Variants in ZSCAN20 observed in about 807,000 individuals in gnomAD.
ZSCAN20 encodes zinc finger and SCAN domain-containing protein 20.
Under a neutral mutation model 97.1 loss-of-function variants are expected in ZSCAN20, and 39 were observed. The observed-to-expected ratio is 0.40, with a 90% CI of 0.31 to 0.52. ZSCAN20 has a LOEUF of 0.52. ZSCAN20 is among the 20% of genes least tolerant of loss of function. The pLI, the probability that ZSCAN20 is intolerant of heterozygous loss-of-function variation, is 0.49. For synonymous variants in ZSCAN20, 456 were observed against 467.3 expected (o/e 0.98, Z 0.31); for missense variants, 1,115 against 1,290.4 (o/e 0.86, Z 2.08).
At chr1:33,482,673 A>G (rs1652199182) in intron 2 of ZSCAN20, among the ~76,000 whole-genome samples, 1 of 152,150 alleles carries the variant, frequency 6.6e-6, no homozygotes, top group African/African-American at 2.4e-5. Flanking sequence ...TGGCTGTACC[A>G]TTTTGCATTT....
chr1:33,490,269 C>T (rs990736231), intron 5 of ZSCAN20, among the ~76,000 whole-genome samples: 1 of 152,160 alleles, frequency 6.6e-6, no homozygotes, highest in African/African-American at 2.4e-5. Context: ...TTCAAAGGAA[C>T]AGATTTTGGG....
Position 33,498,531 on chromosome 1 carries a change from C to T in ZSCAN20, c.*3055C>T, listed in dbSNP as rs1201445566. On this transcript the variant is annotated 3_prime_UTR_variant, in exon 8 of 8. Transcript: ENST00000684572. Reference sequence around the variant, plus strand: ...AGCTTGCTGGGCACCCAGGCGCCCTCCAGTAGGTCTGTGCTGCTCAGATAA... The same window carrying T: ...AGCTTGCTGGGCACCCAGGCGCCCTTCAGTAGGTCTGTGCTGCTCAGATAA... Among the ~76,000 whole-genome samples the T allele has an allele frequency of 6.6e-6, 1 of 152,178 alleles. No individual in the cohort carries two copies. The highest frequency in any genetic ancestry group is 2.4e-5 in the African/African-American group (1 of 41,438).
intron 2 of ZSCAN20, among the ~76,000 whole-genome samples, chr1:33,485,698 C>G (rs567867056): frequency 1.3e-5 from 2 of 152,096 alleles, no homozygotes; most frequent in African/African-American, 4.8e-5. Context: ...CATGTGTGAG[C>G]CATCGTGCCT....
rs1207493497 is a variant in ZSCAN20 at position 33,493,973 on chromosome 1, A to G, written c.1874-245A>G. Among the ~76,000 whole-genome samples the G allele has an allele frequency of 6.6e-6, 1 of 152,228 alleles. No homozygotes were observed. The highest frequency in any genetic ancestry group is 1.5e-5 in the Non-Finnish European group (1 of 68,030). On this transcript the variant is annotated intron_variant, in intron 7 of 7. Coordinates refer to ENST00000684572, the MANE Select transcript of ZSCAN20 (RefSeq NM_001377376.1). The surrounding 1 kb of genome is among the most constrained non-coding windows in gnomAD (Gnocchi z 4.3). ...GGCTGTGGCTGCTGGGCTGAGCCCC[A>G]TGGCTCACTTGGTGGGGTCACCATG...
At position 33,494,207 on chromosome 1, in the gene ZSCAN20, C is replaced by A. The variant is rs760433700; in HGVS notation, c.1874-11C>A. On this transcript the variant is annotated splice_polypyrimidine_tract_variant and intron_variant, in intron 7 of 7. Coordinates refer to ENST00000684572, the MANE Select transcript of ZSCAN20 (RefSeq NM_001377376.1). ...AGTGAAGAAAAACTGCATTTCTGTC[C>A]ATTTTTTCAGGTTTTGAAATGAGGC... 3.2e-6 allele frequency: 5 copies of A among 1,544,642 alleles called. No homozygotes were observed. Among genetic ancestry groups the A allele is most frequent in the Non-Finnish European group, 4.4e-6 (5 of 1,147,360 alleles).
chr1:33,477,733 A>T (rs1651989097), intron 1 of ZSCAN20, among the ~76,000 whole-genome samples: 2 of 150,436 alleles, frequency 1.3e-5, no homozygotes. Context: ...ATCATTCGTG[A>T]CTTTATTATT....
At chr1:33,480,311 C>A (rs968515294) in intron 2 of ZSCAN20, among the ~76,000 whole-genome samples, 2 of 152,136 alleles carry the variant, frequency 1.3e-5, no homozygotes, top group Non-Finnish European at 2.9e-5. Context: ...GAGTTCAAGA[C>A]CAGCCTGGGC....
chr1:33,487,332 T>C (rs1195190861), intron 2 of ZSCAN20, among the ~76,000 whole-genome samples: 2 of 152,220 alleles, frequency 1.3e-5, no homozygotes, highest in African/African-American at 2.4e-5. Flanking sequence ...GAGATTGTTA[T>C]ATTTTGGAGG....
intron 1 of ZSCAN20, among the ~76,000 whole-genome samples, chr1:33,473,098 G>C (rs1651789574): frequency 6.6e-6 from 1 of 152,070 alleles, no homozygotes; most frequent in Non-Finnish European, 1.5e-5. Flanking sequence ...TTCCCATCTA[G>C]AACAAGCATA....
rs1017859830 is a variant in ZSCAN20 at position 33,499,872 on chromosome 1, C to T, written c.*4396C>T. On this transcript the variant is annotated 3_prime_UTR_variant, in exon 8 of 8. Coordinates refer to ENST00000684572, the MANE Select transcript of ZSCAN20 (RefSeq NM_001377376.1). ...TCAGCCTCCCAAAGCTCCCCTTAAC[C>T]TCAGTTTTGATCCCATCCTCCATTT... 2.0e-5 allele frequency among the ~76,000 whole-genome samples: 3 copies of T among 152,142 alleles called. No homozygotes were observed. The highest frequency in any genetic ancestry group is 4.4e-5 in the Non-Finnish European group (3 of 68,030).
intron 2 of ZSCAN20, among the ~76,000 whole-genome samples, chr1:33,488,004 C>A (rs955384402): frequency 2.0e-5 from 3 of 152,078 alleles, no homozygotes; most frequent in Non-Finnish European, 4.4e-5. Context: ...AAATATCTTT[C>A]TCTTTCAGCA....
At chr1:33,487,284 A>C (rs1652407100) in intron 2 of ZSCAN20, among the ~76,000 whole-genome samples, 1 of 152,142 alleles carries the variant, frequency 6.6e-6, no homozygotes, top group African/African-American at 2.4e-5. Flanking sequence ...AAAAAATTGA[A>C]ATATGTTTTT....
Position 33,494,795 on chromosome 1 carries a change from G to A in ZSCAN20, c.2451G>A (p.Leu817=), listed in dbSNP as rs771952949. 5 of 1,614,000 alleles carry A rather than the reference G, an allele frequency of 3.1e-6. No homozygotes were observed. Among genetic ancestry groups the A allele is most frequent in the Non-Finnish European group, 4.2e-6 (5 of 1,180,014 alleles). ...TTCTGAAACATCAGAGAATCCACTT[G>A]GGAGGAAATCCTGACCAGTGTAGTG... The part of the protein sequence containing the change: ...SNLLKHQRIH[L]GGNPDQCSEP... The change falls in exon 8 of 8, where the codon TTG becomes TTA. Residue 817 remains leucine (L), a synonymous_variant. Transcript: ENST00000684572.
Position 33,493,510 on chromosome 1 carries a change from T to G in ZSCAN20, c.1768T>G (p.Cys590Gly), listed in dbSNP as rs1226824583. Residue 590 changes from cysteine to glycine, a missense_variant, in exon 7 of 8, where the codon TGT becomes GGT. By Grantham distance (159) the Cys-to-Gly change is radical. This residue lies in a region of ZSCAN20 where 554 missense variants were observed against 584.9 expected (regional missense o/e 0.95). Transcript: ENST00000684572. The surrounding 1 kb of genome is among the most constrained non-coding windows in gnomAD (Gnocchi z 4.3). ...TVREAAGLPRCGQSSAETDAQ... is the reference protein window; with the variant it reads ...TVREAAGLPRGGQSSAETDAQ... ...CCGAGAGGCTGCAGGTCTCCCTAGG[T>G]GTGGGCAGAGTAGTGCTGAGACTGA... 1 of 1,614,026 alleles carries G rather than the reference T, an allele frequency of 6.2e-7. No individual in the cohort carries two copies. The highest frequency in any genetic ancestry group is 8.5e-7 in the Non-Finnish European group (1 of 1,179,976).
chr1:33,489,865 G>A (rs1008537449), intron 5 of ZSCAN20, among the ~76,000 whole-genome samples: 1 of 152,122 alleles, frequency 6.6e-6, no homozygotes. Context: ...CCACAGTCCA[G>A]GGGCCAGGCC....
In ZSCAN20 at chr1:33,479,534, G is replaced by A. The variant is rs758174181; in HGVS notation, c.246G>A (p.Pro82=). 7 of 1,613,222 alleles carry A rather than the reference G, an allele frequency of 4.3e-6. No individual in the cohort carries two copies. Among genetic ancestry groups the A allele is most frequent in the Admixed American group, 1.7e-5 (1 of 59,930 alleles). ...LWALCCRWLR[P]EIRLKEQILE... ...CTCTCTGCTGTCGTTGGCTGAGGCCGGAGATCCGTCTCAAAGAGCAGATCC... is the reference window on the plus strand; with the variant it reads ...CTCTCTGCTGTCGTTGGCTGAGGCCAGAGATCCGTCTCAAAGAGCAGATCC... Residue 82 remains proline (P), a synonymous_variant, in exon 2 of 8, where the codon CCG becomes CCA. Coordinates refer to ENST00000684572, the MANE Select transcript of ZSCAN20 (RefSeq NM_001377376.1).
chr1:33,495,577 A>T lies in ZSCAN20; in HGVS notation c.*101A>T. 1 of 1,149,416 alleles carries T rather than the reference A, an allele frequency of 8.7e-7. No homozygotes were observed. Among genetic ancestry groups the T allele is most frequent in the Non-Finnish European group, 1.1e-6 (1 of 875,560 alleles). The allele number at this position is 1,149,416 out of a possible 1,614,324, so 71.2% of individuals were successfully genotyped here. ...TTTCCAATTTTTAAGCTTGGTGTGT[A>T]CCCAGGGAAGTTATCTTGGTATAAA... On this transcript the variant is annotated 3_prime_UTR_variant, in exon 8 of 8. Coordinates refer to ENST00000684572, the MANE Select transcript of ZSCAN20 (RefSeq NM_001377376.1).
rs34415949 is a variant in ZSCAN20, at chr1:33,495,063, G to C, written c.2719G>C (p.Glu907Gln). 5.3e-5 allele frequency: 85 copies of C among 1,612,230 alleles called. No homozygotes were observed. Among genetic ancestry groups the C allele is most frequent in the Non-Finnish European group, 7.1e-5 (84 of 1,178,742 alleles). The stretch of plus-strand genomic sequence containing the variant: ...GGGAGAGAAACCATATGAATGTGCC[G>C]AATGTGGGAAAAGCTTCAGTAAGAG... The part of the protein sequence containing the change: ...HTGEKPYECA[E>Q]CGKSFSKSST... Residue 907 changes from glutamate (E) to glutamine (Q), a missense_variant, in exon 8 of 8, where the codon GAA becomes CAA. Glu to Gln is a conservative substitution (Grantham distance 29). Transcript: ENST00000684572.
chr1:33,485,228 C>T (rs1353858659), intron 2 of ZSCAN20, among the ~76,000 whole-genome samples: 3 of 152,062 alleles, frequency 2.0e-5, no homozygotes, highest in Admixed American at 1.3e-4. Flanking sequence ...TGAGTTTTGG[C>T]AGATGGGGTG....
Sources: allele counts gnomAD v4.1 joint callset (sites outside exome capture counted in the v4.1 genomes callset), GRCh38; gene constraint gnomAD v4.1.1; regional missense constraint gnomAD v4.1.1; non-coding constraint Gnocchi (gnomAD v3.1); transcripts MANE v1.5; gene names NCBI Gene and HGNC (gene_info 2026-07-23, HGNC 2026-07-21).